SLC25A21: variants seen among roughly 807,000 people sequenced by gnomAD.
SLC25A21 encodes solute carrier family 25 member 21.
A neutral mutation model predicts 43.8 loss-of-function variants in SLC25A21; 47 were observed. The observed-to-expected ratio is 1.07, with a 90% CI of 0.85 to 1.37. SLC25A21 has a LOEUF of 1.37. Among genes scored for constraint, SLC25A21 ranks in the 40% most tolerant of loss-of-function variants. The probability of loss-of-function intolerance (pLI) is 0.00; values close to 1 mark genes in which losing one functional copy is unlikely to be tolerated. For missense variants in SLC25A21, 352 were observed against 350.2 expected (o/e 1.00, Z -0.04); for synonymous variants, 131 against 121.3 (o/e 1.08, Z -0.52).
chr14:36,751,541 T>C (rs1885709503), intron 3 of SLC25A21, among the ~76,000 whole-genome samples: 1 of 152,180 alleles, frequency 6.6e-6, no homozygotes, highest in African/African-American at 2.4e-5. Flanking sequence ...AATCTTGGTG[T>C]TTACATTTCC....
chr14:36,809,671 T>A (rs1211874661), intron 3 of SLC25A21, among the ~76,000 whole-genome samples: 2 of 152,122 alleles, frequency 1.3e-5, no homozygotes, highest in South Asian at 4.1e-4. Flanking sequence ...GCTGGGGAAA[T>A]GGGAGATCTG....
intron 1 of SLC25A21, among the ~76,000 whole-genome samples, chr14:36,911,368 G>A (rs531428380): frequency 1.3e-5 from 2 of 152,268 alleles, no homozygotes; most frequent in East Asian, 3.9e-4. Context: ...AGGTCACAGA[G>A]CCATTAAAGG....
intron 3 of SLC25A21, among the ~76,000 whole-genome samples, chr14:36,748,868 C>T (rs529437082): frequency 6.6e-6 from 1 of 152,332 alleles, no homozygotes; most frequent in Admixed American, 6.5e-5. Context: ...CCTCCACAGA[C>T]TTGCTCCACC....
At chr14:36,691,845 C>T (rs1166618246) in intron 7 of SLC25A21, among the ~76,000 whole-genome samples, 1 of 151,914 alleles carries the variant, frequency 6.6e-6, no homozygotes, top group African/African-American at 2.4e-5. Flanking sequence ...TCTGATTTTT[C>T]TTATAAATCA....
chr14:36,807,593 A>G (rs1463395241), intron 3 of SLC25A21, among the ~76,000 whole-genome samples: 1 of 152,174 alleles, frequency 6.6e-6, no homozygotes, highest in Admixed American at 6.5e-5. Flanking sequence ...CTACAGGGAC[A>G]GGTCTTTCTA....
intron 6 of SLC25A21, among the ~76,000 whole-genome samples, chr14:36,724,702 T>C (rs959148722): frequency 3.3e-5 from 5 of 152,164 alleles, no homozygotes; most frequent in Admixed American, 2.6e-4. Flanking sequence ...GTCTGCACAA[T>C]ACGTCATGTA....
At chr14:37,026,387 T>C (rs1468551794) in intron 1 of SLC25A21, among the ~76,000 whole-genome samples, 1 of 152,152 alleles carries the variant, frequency 6.6e-6, no homozygotes, top group Non-Finnish European at 1.5e-5. Flanking sequence ...CCAAATGTCT[T>C]TCTTACTGGC....
chr14:36,973,024 T>A (rs199884117), intron 1 of SLC25A21, among the ~76,000 whole-genome samples: 6 of 62,062 alleles, frequency 9.7e-5, no homozygotes, highest in African/African-American at 6.7e-4. Flanking sequence ...TATTTATTTA[T>A]TTTATTTTAT....
At chr14:36,719,782 A>G (rs1884302048) in intron 6 of SLC25A21, among the ~76,000 whole-genome samples, 1 of 152,188 alleles carries the variant, frequency 6.6e-6, no homozygotes, top group Non-Finnish European at 1.5e-5. Flanking sequence ...CATTTTTTAA[A>G]AACAGTTTAT....
intron 1 of SLC25A21, among the ~76,000 whole-genome samples, chr14:37,132,644 G>A (rs1963409935): frequency 6.6e-6 from 1 of 151,884 alleles, no homozygotes; most frequent in African/African-American, 2.4e-5. Context: ...TCAAATTCAT[G>A]TCTCTTTCTT....
At chr14:36,738,680 C>T (rs1488228589) in intron 3 of SLC25A21, among the ~76,000 whole-genome samples, 2 of 152,216 alleles carry the variant, frequency 1.3e-5, no homozygotes, top group Non-Finnish European at 2.9e-5. Context: ...TACAACACCT[C>T]CCATAAAACT....
At chr14:36,843,889 A>T (rs1889462451) in intron 2 of SLC25A21, among the ~76,000 whole-genome samples, 1 of 152,184 alleles carries the variant, frequency 6.6e-6, no homozygotes, top group African/African-American at 2.4e-5. Flanking sequence ...TCTCTCTAGT[A>T]TCTCTTCATG....
chr14:37,041,214 G>C (rs1961463977), intron 1 of SLC25A21, among the ~76,000 whole-genome samples: 1 of 152,086 alleles, frequency 6.6e-6, no homozygotes, highest in African/African-American at 2.4e-5. Context: ...GGCAGTGGAG[G>C]GGATGTGCCT....
chr14:37,055,987 C>T lies in SLC25A21; in HGVS notation c.70+116294G>A, dbSNP rs568978642. ...AGGGTGGTTTTTAAAGGTTTAGCAC[C>T]ATCTACCTAGTGCAGTCTCATGATA... On this transcript the variant is annotated intron_variant, in intron 1 of 9. Transcript: ENST00000331299. 7.9e-5 allele frequency among the ~76,000 whole-genome samples: 12 copies of T among 152,044 alleles called. No homozygotes were observed. The East Asian group carries it at 2.1e-3, about 27-fold the overall frequency.
intron 2 of SLC25A21, among the ~76,000 whole-genome samples, chr14:36,837,879 G>C (rs1354165730): frequency 1.3e-5 from 2 of 152,148 alleles, no homozygotes; most frequent in Non-Finnish European, 2.9e-5. Flanking sequence ...CTGTGATCCA[G>C]TGTCCATTAC....
intron 1 of SLC25A21, among the ~76,000 whole-genome samples, chr14:36,882,724 CT>C (rs1890772321): frequency 6.6e-6 from 1 of 151,812 alleles, no homozygotes. Flanking sequence ...CCAGACTTCC[CT>C]TTCAAAGTCA....
chr14:36,936,363 G>A (rs866439320), intron 1 of SLC25A21, among the ~76,000 whole-genome samples: 38 of 146,108 alleles, frequency 2.6e-4, no homozygotes, highest in Middle Eastern at 3.4e-3. Flanking sequence ...TCCATCTCCC[G>A]GCCCGGGCCA....
intron 1 of SLC25A21, among the ~76,000 whole-genome samples, chr14:36,901,826 T>G (rs1891407353): frequency 6.6e-6 from 1 of 152,170 alleles, no homozygotes. Flanking sequence ...AGTAAACTAT[T>G]TTTTAAAACT....
At chr14:36,927,523 A>G (rs1323536311) in intron 1 of SLC25A21, among the ~76,000 whole-genome samples, 1 of 152,130 alleles carries the variant, frequency 6.6e-6, no homozygotes, top group Non-Finnish European at 1.5e-5. Flanking sequence ...AAGGATATTG[A>G]TATGTCTGTA....
Sources: gnomAD v4.1 joint callset for allele counts (sites outside exome capture counted in the v4.1 genomes callset) on GRCh38, gnomAD v4.1.1 for gene constraint, MANE v1.5 for transcripts, NCBI Gene and HGNC (gene_info 2026-07-23, HGNC 2026-07-21) for gene names.